The following FCHO1 variants were observed in gnomAD, a reference collection of about 807,000 sequenced individuals.
FCHO1 encodes FCH and mu domain containing endocytic adaptor 1, also known as F-BAR domain only protein 1.
A neutral mutation model predicts 114.4 loss-of-function variants in FCHO1; 45 were observed. That is an observed-to-expected ratio of 0.39 (90% CI 0.31 to 0.50). The LOEUF (loss-of-function observed/expected upper bound fraction) is 0.50, where lower values mean the gene tolerates loss of function less well. Ranked by LOEUF, FCHO1 falls within the 20% of genes least tolerant of loss-of-function variation. The pLI is 0.77. For missense variants in FCHO1, 1,042 were observed against 1,209.6 expected (o/e 0.86, Z 2.06); for synonymous variants, 480 against 488.9 (o/e 0.98, Z 0.24).
Position 17,785,980 on chromosome 19 carries a change from A to T in FCHO1, c.2427-594A>T, listed in dbSNP as rs530740041. Among the ~76,000 whole-genome samples the T allele has an allele frequency of 8.8e-4, 129 of 145,836 alleles. 1 individual carries two copies. Among genetic ancestry groups the T allele is most frequent in the South Asian group, 1.9e-3 (9 of 4,746 alleles). ...CTGTCTCTTAAAAAACAAAAATTTA[A>T]AAAAAAAAAAGTCTGTTGTGAAGAA... is the stretch of plus-strand genomic sequence containing the variant. On this transcript the variant is annotated intron_variant, in intron 26 of 28. Transcript: ENST00000596536.
rs545433624 is a variant in FCHO1, at chr19:17,784,254, GC to G, written c.2226+21del. ...ATACCAGGTGCGCCACCCGCATGGG[GC>G]CGGGAGGAGGTGGTGGAGTGGGGGA... On this transcript the variant is annotated intron_variant, in intron 25 of 28. Coordinates refer to ENST00000596536, the MANE Select transcript of FCHO1 (RefSeq NM_015122.3). This position sits in a 1 kb window ranked among gnomAD's most constrained non-coding sequence, Gnocchi z 5.3. 2.1e-3 allele frequency: 3,283 copies of G among 1,580,906 alleles called. 10 individuals carry two copies. Among genetic ancestry groups the G allele is most frequent in the South Asian group, 3.7e-3 (328 of 87,900 alleles).
intron 3 of FCHO1, 152 bp from the exon 4 acceptor site, chr19:17,754,966 T>G: frequency 3.1e-6 from 2 of 638,482 alleles, no homozygotes; most frequent in Non-Finnish European, 5.7e-6. Flanking sequence ...GCACTGGGGC[T>G]GAATTATCTC....
intron 9 of FCHO1, among the ~76,000 whole-genome samples, chr19:17,771,870 TGGCGTG>T (rs2091686022): frequency 6.6e-6 from 1 of 151,932 alleles, no homozygotes; most frequent in Admixed American, 6.6e-5. Flanking sequence ...TGGAGTGCAG[TGGCGTG>T]ATCTCAGCTC....
chr19:17,779,775 C>T (rs2093173309), intron 20 of FCHO1, among the ~76,000 whole-genome samples: 1 of 150,224 alleles, frequency 6.7e-6, no homozygotes, highest in East Asian at 2.0e-4. Context: ...TGGGGGACGT[C>T]GAGGCTGTGC....
chr19:17,781,379 G>T (rs750509058), intron 21 of FCHO1, 36 bp downstream of exon 21: 2 of 1,608,338 alleles, frequency 1.2e-6, no homozygotes, highest in South Asian at 1.1e-5. Context: ...TGGACTGGGG[G>T]TCGCGTCTGG....
rs779140105 is a variant in FCHO1, at chr19:17,775,456, A to C, written c.946A>C (p.Thr316Pro). 8 of 1,613,850 alleles carry C rather than the reference A, an allele frequency of 5.0e-6. No homozygotes were observed. The East Asian group carries it at 1.6e-4, about 31-fold the overall frequency. ...CACTGCTGCCCCCTGACTCCCCTAG[A>C]CATGTCCAGAGGTGGATGAAGAAGG... ...AVDFLEPDSGTCPEVDEEGFT... is the reference protein window; with the variant it reads ...AVDFLEPDSGPCPEVDEEGFT... Residue 316 changes from threonine (T) to proline (P), a missense_variant and splice_region_variant, in exon 15 of 29, where the codon ACA (threonine) becomes CCA (proline). Transcript: ENST00000596536. This position sits in a 1 kb window ranked among gnomAD's most constrained non-coding sequence, Gnocchi z 5.1.
At chr19:17,761,314 G>A (rs1241401944) in intron 4 of FCHO1, among the ~76,000 whole-genome samples, 1 of 151,946 alleles carries the variant, frequency 6.6e-6, no homozygotes, top group Non-Finnish European at 1.5e-5. Context: ...CTTAAGCAAC[G>A]GGGACTGTAT....
intron 6 of FCHO1, among the ~76,000 whole-genome samples, chr19:17,765,949 C>T (rs1444078813): frequency 2.3e-5 from 3 of 130,400 alleles, no homozygotes; most frequent in Admixed American, 8.6e-5. Context: ...AGTGCAGTGG[C>T]GCGATCTTGG....
chr19:17,782,916 G>A (rs2093556838), intron 23 of FCHO1, 101 bp from the exon 24 acceptor site: 2 of 1,333,034 alleles, frequency 1.5e-6, no homozygotes, highest in Non-Finnish European at 1.0e-6. Flanking sequence ...TAGATCCGAG[G>A]AGTCTGGGGA....
chr19:17,781,885 C>T, intron 23 of FCHO1, 65 bp downstream of exon 23: 1 of 1,080,926 alleles, frequency 9.3e-7, no homozygotes, highest in South Asian at 1.5e-5. Context: ...GCAGGGACAG[C>T]TTTCAGATGT....
intron 1 of FCHO1, among the ~76,000 whole-genome samples, chr19:17,752,717 T>C (rs2082295458): frequency 7.0e-6 from 1 of 142,328 alleles, no homozygotes; most frequent in Non-Finnish European, 1.5e-5. Flanking sequence ...TGGGCCACAC[T>C]AGTGAGACCT....
At position 17,775,325 on chromosome 19, in the gene FCHO1, G is replaced by A. The variant is rs888053168; in HGVS notation, c.946-131G>A. 1.2e-5 allele frequency: 12 copies of A among 967,462 alleles called. No homozygotes were observed. Among genetic ancestry groups the A allele is most frequent in the South Asian group, 2.7e-5 (2 of 73,628 alleles). 59.9% of individuals were successfully genotyped at this position (967,462 alleles called of 1,614,324 possible). A position where few individuals can be genotyped will look rare whatever the true frequency, so the allele number is the denominator to read the frequency against. ...CCTGCCCACACACCCAGGGAAGACA[G>A]TCGTTGCCATCAGGGTTGGTTTTGA... On this transcript the variant is annotated intron_variant, in intron 14 of 28. Transcript: ENST00000596536. This position sits in a 1 kb window ranked among gnomAD's most constrained non-coding sequence, Gnocchi z 5.1.
rs780816760 is a variant in FCHO1, at chr19:17,784,239, C to T, written c.2226+4C>T. 20 of 1,597,886 alleles carry T rather than the reference C, an allele frequency of 1.3e-5. No homozygotes were observed. The highest frequency in any genetic ancestry group is 2.2e-5 in the South Asian group (2 of 89,418). On this transcript the variant is annotated splice_donor_region_variant and intron_variant, in intron 25 of 28. Transcript: ENST00000596536. The surrounding 1 kb of genome is among the most constrained non-coding windows in gnomAD (Gnocchi z 5.3). The stretch of plus-strand genomic sequence containing the variant: ...CGTGGTGCTGCTGCGATACCAGGTG[C>T]GCCACCCGCATGGGGCCGGGAGGAG...
chr19:17,759,557 A>G (rs1469730457), intron 4 of FCHO1, among the ~76,000 whole-genome samples: 1 of 152,016 alleles, frequency 6.6e-6, no homozygotes, highest in South Asian at 2.1e-4. Flanking sequence ...GGTGAGTTTT[A>G]AGTCCAAATC....
chr19:17,761,693 T>TC (rs2086305284), intron 4 of FCHO1, among the ~76,000 whole-genome samples: 1 of 151,110 alleles, frequency 6.6e-6, no homozygotes, highest in African/African-American at 2.4e-5. Flanking sequence ...GGAGTCTTCC[T>TC]CTGTTGCCCA....
Position 17,775,528 on chromosome 19 carries a change from C to T in FCHO1, c.1003+15C>T, listed in dbSNP as rs762663681. ...GACCCAGAACAATATCCTTCTGGCACCCCCTGGGGGCAGTTGTTGGCACAG... is the reference window on the plus strand; with the variant it reads ...GACCCAGAACAATATCCTTCTGGCATCCCCTGGGGGCAGTTGTTGGCACAG... On this transcript the variant is annotated intron_variant, in intron 15 of 28. Coordinates refer to ENST00000596536, the MANE Select transcript of FCHO1 (RefSeq NM_015122.3). The surrounding 1 kb of genome is among the most constrained non-coding windows in gnomAD (Gnocchi z 5.1). 6 of 1,612,358 alleles carry T rather than the reference C, an allele frequency of 3.7e-6. No individual in the cohort carries two copies. Among genetic ancestry groups the T allele is most frequent in the East Asian group, 2.2e-5 (1 of 44,884 alleles).
At chr19:17,762,942 G>C in intron 5 of FCHO1, 89 bp downstream of exon 5, 1 of 888,446 alleles carries the variant, frequency 1.1e-6, no homozygotes, top group Non-Finnish European at 1.8e-6. Context: ...ATGGTCAGGG[G>C]CTAGAACCCT....
Position 17,775,371 on chromosome 19 carries a change from G to A in FCHO1, c.946-85G>A. On this transcript the variant is annotated intron_variant, in intron 14 of 28. Transcript: ENST00000596536. This position sits in a 1 kb window ranked among gnomAD's most constrained non-coding sequence, Gnocchi z 5.1. ...TTTGAGGTCTGAGTCAAGGCCTGGG[G>A]GCAGGGCGGGGGGCGGTTGGCAGGG... is the stretch of plus-strand genomic sequence containing the variant. The A allele has an allele frequency of 7.2e-7, 1 of 1,385,350 alleles. No homozygotes were observed. The highest frequency in any genetic ancestry group is 1.0e-6 in the Non-Finnish European group (1 of 973,018). The allele number at this position is 1,385,350 out of a possible 1,614,324, so 85.8% of individuals were successfully genotyped here.
chr19:17,786,793 C>G (rs1408489631), intron 27 of FCHO1, among the ~76,000 whole-genome samples, 164 bp downstream of exon 27: 1 of 152,052 alleles, frequency 6.6e-6, no homozygotes, highest in African/African-American at 2.4e-5. Context: ...TGGCATAGGT[C>G]TGTAATCCCA....
Sources: gnomAD v4.1 joint callset for allele counts (sites outside exome capture counted in the v4.1 genomes callset) on GRCh38, gnomAD v4.1.1 for gene constraint, Gnocchi (gnomAD v3.1) non-coding constraint, MANE v1.5 for transcripts, NCBI Gene and HGNC (gene_info 2026-07-23, HGNC 2026-07-21) for gene names.